Variants in RETSAT observed in about 807,000 individuals in gnomAD.
The protein encoded by RETSAT is all-trans-retinol 13,14-reductase.
A neutral mutation model predicts 61.6 loss-of-function variants in RETSAT; 35 were observed. That is an observed-to-expected ratio of 0.57 (90% CI 0.43 to 0.75). RETSAT has a LOEUF of 0.75. Among genes scored for constraint, RETSAT ranks in the 30% least tolerant of loss-of-function variants. The probability of loss-of-function intolerance (pLI) is 0.00; values close to 1 mark genes in which losing one functional copy is unlikely to be tolerated. For synonymous variants in RETSAT, 277 were observed against 310.4 expected (o/e 0.89, Z 1.13); for missense variants, 670 against 759.5 (o/e 0.88, Z 1.38).
rs776606101 is a variant in RETSAT, at chr2:85,354,379, G to T, written c.129C>A (p.Pro43=). 2 of 1,614,240 alleles carry T rather than the reference G, an allele frequency of 1.2e-6. No homozygotes were observed. The highest frequency in any genetic ancestry group is 1.7e-6 in the Non-Finnish European group (2 of 1,180,042). ...TCCTGGCCTCCTTGTCAGTTACCAGGGGCGCTGGGGGCCGTTTGACATCTT... is the reference window on the plus strand; with the variant it reads ...TCCTGGCCTCCTTGTCAGTTACCAGTGGCGCTGGGGGCCGTTTGACATCTT... ...FSEDVKRPPA[P]LVTDKEARKK... is the part of the protein sequence containing the mutation. The change falls in exon 1 of 11, where the codon CCC becomes CCA. Residue 43 remains proline, a synonymous_variant. Transcript: ENST00000295802.
intron 1 of RETSAT, among the ~76,000 whole-genome samples, chr2:85,352,607 C>G (rs748371987): frequency 4.6e-5 from 7 of 152,130 alleles, no homozygotes; most frequent in Non-Finnish European, 8.8e-5. Flanking sequence ...ATCTTGAACT[C>G]CTGGCCTCAA....
intron 6 of RETSAT, chr2:85,345,671 G>GC (rs1683184717): frequency 2.2e-6 from 1 of 447,300 alleles, no homozygotes; most frequent in Non-Finnish European, 4.2e-6. Flanking sequence ...TTCTCTGGAA[G>GC]CCCCCTCAGC....
Position 85,349,403 on chromosome 2 carries a change from G to C in RETSAT, c.978C>G (p.Asp326Glu). The change falls in exon 5 of 11, where the codon GAC becomes GAG. Residue 326 changes from aspartate to glutamate, a missense_variant. Coordinates refer to ENST00000295802, the MANE Select transcript of RETSAT (RefSeq NM_017750.4). ...TKATVQSVLL[D>E]SAGKACGVSV... ...TCTCACCACAGGCTTTCCCAGCTGA[G>C]TCCAGCAACACACTCTGCACAGTGG... 1.9e-6 allele frequency: 3 copies of C among 1,614,074 alleles called. No homozygotes were observed. Among genetic ancestry groups the C allele is most frequent in the Non-Finnish European group, 1.7e-6 (2 of 1,179,972 alleles).
Position 85,348,556 on chromosome 2 carries a change from A to G in RETSAT, c.997+828T>C, listed in dbSNP as rs373936087. On this transcript the variant is annotated intron_variant, in intron 5 of 10. Transcript: ENST00000295802. ...CTGAGGCGGGAGAATGGCATGAACCAGGAGGCGGAGCTTGCAGTGAGCCGA... is the reference window on the plus strand; with the variant it reads ...CTGAGGCGGGAGAATGGCATGAACCGGGAGGCGGAGCTTGCAGTGAGCCGA... 1.4e-3 allele frequency among the ~76,000 whole-genome samples: 198 copies of G among 139,784 alleles called. 2 individuals carry two copies. Among genetic ancestry groups the G allele is most frequent in the African/African-American group, 5.1e-3 (192 of 37,528 alleles). 91.7% of individuals were successfully genotyped at this position (139,784 alleles called of 152,430 possible).
chr2:85,348,729 C>T (rs1683246090), intron 5 of RETSAT, among the ~76,000 whole-genome samples: 1 of 150,846 alleles, frequency 6.6e-6, no homozygotes. Context: ...GGGGACCATG[C>T]AATCCTTTAT....
In RETSAT at chr2:85,342,920, G is replaced by A. The variant is rs186546447; in HGVS notation, c.*322C>T. On this transcript the variant is annotated 3_prime_UTR_variant, in exon 11 of 11. Coordinates refer to ENST00000295802, the MANE Select transcript of RETSAT (RefSeq NM_017750.4). ...GGTTCTATCCACAGATGGAATATTC[G>A]CTTTGATCACTGAGTTAGGAGGCAT... The A allele has an allele frequency of 2.9e-5, 8 of 277,778 alleles. No individual in the cohort carries two copies. The highest frequency in any genetic ancestry group is 1.3e-3 in the Middle Eastern group (1 of 794). The allele number at this position is 277,778 out of a possible 1,614,324, so 17.2% of individuals were successfully genotyped here. A position where few individuals can be genotyped will look rare whatever the true frequency, so the allele number is the denominator to read the frequency against.
Position 85,350,257 on chromosome 2 carries a change from A to G in RETSAT, c.598-16T>C. ...TGGATACCACCTGGGGGAGTGAATG[A>G]GGACAGCAGGCCTCACCTCTAGAAC... On this transcript the variant is annotated splice_polypyrimidine_tract_variant and intron_variant, in intron 3 of 10. Transcript: ENST00000295802. 2 of 1,600,830 alleles carry G rather than the reference A, an allele frequency of 1.2e-6. No homozygotes were observed. Among genetic ancestry groups the G allele is most frequent in the Non-Finnish European group, 1.7e-6 (2 of 1,168,252 alleles).
chr2:85,354,118 C>G (rs1477146196), intron 1 of RETSAT, among the ~76,000 whole-genome samples: 1 of 152,218 alleles, frequency 6.6e-6, no homozygotes, highest in Non-Finnish European at 1.5e-5. Flanking sequence ...ATGACCACAC[C>G]CTTGGGACTA....
Position 85,349,532 on chromosome 2 carries a change from G to A in RETSAT, c.849C>T (p.Asn283=), listed in dbSNP as rs56097924. The change falls in exon 5 of 11, where the codon AAC becomes AAT. Residue 283 remains asparagine, a synonymous_variant. Transcript: ENST00000295802. The part of the protein sequence containing the change: ...SAFSMHALLV[N]HYMKGGFYPR... ...GATAAAAGCCTCCTTTCATGTAGTG[G>A]TTGACCAGCAGGGCGTGCATGGAAA... The A allele has an allele frequency of 3.5e-5, 57 of 1,614,192 alleles. No homozygotes were observed. Among genetic ancestry groups the A allele is most frequent in the Non-Finnish European group, 4.8e-5 (57 of 1,180,046 alleles).
In RETSAT at chr2:85,351,708, A is replaced by G; in HGVS notation, c.327T>C (p.Phe109=). 6.2e-7 allele frequency: 1 copy of G among 1,614,092 alleles called. No homozygotes were observed. Among genetic ancestry groups the G allele is most frequent in the Admixed American group, 1.7e-5 (1 of 60,010 alleles). ...TGTCAAATTCAAGGCCATTCTTTCC[A>G]AAGGTATGACAGCAGCCCCCTGCCT... The part of the protein sequence containing the change: ...HTKAGGCCHT[F]GKNGLEFDTG... The change falls in exon 2 of 11, where the codon TTT becomes TTC. Residue 109 remains phenylalanine (F), a synonymous_variant. Transcript: ENST00000295802.
At chr2:85,352,485 C>T (rs1474775483) in intron 1 of RETSAT, among the ~76,000 whole-genome samples, 2 of 152,008 alleles carry the variant, frequency 1.3e-5, no homozygotes, top group African/African-American at 4.8e-5. Flanking sequence ...CTCCTGACCT[C>T]GTGATCCGCC....
chr2:85,351,605 A>T, intron 2 of RETSAT, 75 bp downstream of exon 2: 1 of 1,414,352 alleles, frequency 7.1e-7, no homozygotes, highest in Non-Finnish European at 9.7e-7. Context: ...AATGCTCAGT[A>T]TCACCCCACA....
rs550743152 is a variant in RETSAT, at chr2:85,352,562, T to G, written c.173-700A>C. ...ACCGCGCCCCGCCTATTTTATGTTT[T>G]ATAGAGCCAAAGTCTTGCTATGTTG... On this transcript the variant is annotated intron_variant, in intron 1 of 10. Transcript: ENST00000295802. Among the ~76,000 whole-genome samples the G allele has an allele frequency of 4.4e-4, 67 of 152,160 alleles. No individual in the cohort carries two copies. In the South Asian group the frequency reaches 0.014, roughly 31 times the overall value.
chr2:85,344,537 C>G, intron 7 of RETSAT, 57 bp downstream of exon 7: 1 of 1,599,444 alleles, frequency 6.3e-7, no homozygotes, highest in Non-Finnish European at 8.5e-7. Flanking sequence ...TCTGCTCATT[C>G]TCTGAGTCAA....
chr2:85,347,843 G>C (rs1056413091), intron 5 of RETSAT, among the ~76,000 whole-genome samples: 1 of 152,112 alleles, frequency 6.6e-6, no homozygotes, highest in African/African-American at 2.4e-5. Context: ...CTTACCACCC[G>C]GTAACTTATC....
At position 85,341,993 on chromosome 2, in the gene RETSAT, A is replaced by C. The variant is rs1277707646; in HGVS notation, c.*1249T>G. On this transcript the variant is annotated 3_prime_UTR_variant, in exon 11 of 11. Coordinates refer to ENST00000295802, the MANE Select transcript of RETSAT (RefSeq NM_017750.4). ...ACTTAATTTTATTTTTTTAAAGCTT[A>C]TTTTGGTGTTATTCAGTATATAGTG... The C allele has an allele frequency of 5.1e-6, 3 of 589,138 alleles. No individual in the cohort carries two copies. The highest frequency in any genetic ancestry group is 8.9e-6 in the Non-Finnish European group (3 of 337,520). The allele number at this position is 589,138 out of a possible 1,614,324, so 36.5% of individuals were successfully genotyped here.
rs759665613 is a variant in RETSAT, at chr2:85,349,581, C to T, written c.800G>A (p.Gly267Asp). The change falls in exon 5 of 11, where the codon GGT (glycine) becomes GAT (aspartate). Residue 267 changes from glycine to aspartate, a missense_variant and splice_region_variant. Gly to Asp is a moderately conservative substitution (Grantham distance 94). Transcript: ENST00000295802. ...AAAGGCACTGTGGTTGGGGGTGACACCTGCAGAAGCAAGGAAGGGTGGTGA... is the reference window on the plus strand; with the variant it reads ...AAAGGCACTGTGGTTGGGGGTGACATCTGCAGAAGCAAGGAAGGGTGGTGA... Reference protein sequence around the residue: ...AVLSYIFPTYGVTPNHSAFSM... With the variant: ...AVLSYIFPTYDVTPNHSAFSM... 5.0e-6 allele frequency: 8 copies of T among 1,613,974 alleles called. No homozygotes were observed. The highest frequency in any genetic ancestry group is 6.8e-6 in the Non-Finnish European group (8 of 1,179,924).
In RETSAT at chr2:85,343,007, T is replaced by G; in HGVS notation, c.*235A>C. The G allele has an allele frequency of 4.5e-6, 2 of 444,510 alleles. No homozygotes were observed. Among genetic ancestry groups the G allele is most frequent in the Non-Finnish European group, 4.1e-6 (1 of 243,514 alleles). The allele number at this position is 444,510 out of a possible 1,614,324, so 27.5% of individuals were successfully genotyped here. A position where few individuals can be genotyped will look rare whatever the true frequency, so the allele number is the denominator to read the frequency against. On this transcript the variant is annotated 3_prime_UTR_variant, in exon 11 of 11. Coordinates refer to ENST00000295802, the MANE Select transcript of RETSAT (RefSeq NM_017750.4). ...TCAAGCTATCCAAGTCAATATCCTA[T>G]TAGTAGGGATGGCATGTTATAAAAG...
In RETSAT at chr2:85,351,841, G is replaced by A. The variant is rs151321935; in HGVS notation, c.194C>T (p.Pro65Leu). 28 of 1,613,940 alleles carry A rather than the reference G, an allele frequency of 1.7e-5. No homozygotes were observed. The highest frequency in any genetic ancestry group is 1.4e-4 in the South Asian group (13 of 91,076). ...AATTACCACCACATCCAGCTTCTCCGGCACTTGGTTGGCTGAAAAAGCTAC... is the reference window on the plus strand; with the variant it reads ...AATTACCACCACATCCAGCTTCTCCAGCACTTGGTTGGCTGAAAAAGCTAC... ...LKQAFSANQV[P>L]EKLDVVVIGS... The change falls in exon 2 of 11, where the codon CCG becomes CTG. Residue 65 changes from proline (P) to leucine (L), a missense_variant. Coordinates refer to ENST00000295802, the MANE Select transcript of RETSAT (RefSeq NM_017750.4).
Sources: gnomAD v4.1 joint callset for allele counts (sites outside exome capture counted in the v4.1 genomes callset) on GRCh38, gnomAD v4.1.1 for gene constraint, MANE v1.5 for transcripts, NCBI Gene and HGNC (gene_info 2026-07-23, HGNC 2026-07-21) for gene names.